The following PITPNM2 variants were observed in gnomAD, a reference collection of about 807,000 sequenced individuals.
PITPNM2 encodes the protein phosphatidylinositol transfer protein membrane associated 2.
In PITPNM2, 35 loss-of-function variants were observed where a neutral mutation model predicts 132.2. That is an observed-to-expected ratio of 0.26 (90% CI 0.20 to 0.35). The LOEUF (loss-of-function observed/expected upper bound fraction) is 0.35, where lower values mean the gene tolerates loss of function less well. Among genes scored for constraint, PITPNM2 ranks in the 10% least tolerant of loss-of-function variants. The probability of loss-of-function intolerance (pLI) is 1.00; values close to 1 mark genes in which losing one functional copy is unlikely to be tolerated. For synonymous variants in PITPNM2, 738 were observed against 799.2 expected (o/e 0.92, Z 1.29); for missense variants, 1,332 against 1,912.0 (o/e 0.70, Z 5.66).
At chr12:122,995,288 G>C (rs1484534108) in intron 14 of PITPNM2, 101 bp downstream of exon 14, 2 of 1,470,384 alleles carry the variant, frequency 1.4e-6, no homozygotes, top group Non-Finnish European at 1.8e-6. Context: ...ACCTCAGGCA[G>C]ACAGCCCGGG....
At chr12:123,139,556 T>C (rs1480017038) in intron 1 of PITPNM2, among the ~76,000 whole-genome samples, 1 of 151,880 alleles carries the variant, frequency 6.6e-6, no homozygotes, top group Admixed American at 6.6e-5. Flanking sequence ...TCCTGCTCTG[T>C]CCAAAGCCTC....
intron 1 of PITPNM2, among the ~76,000 whole-genome samples, chr12:123,116,880 C>G (rs1468630335): frequency 6.6e-6 from 1 of 152,200 alleles, no homozygotes; most frequent in East Asian, 1.9e-4. Flanking sequence ...AGCCAGCCAC[C>G]TTGTCAATGG....
At position 123,064,544 on chromosome 12, in the gene PITPNM2, G is replaced by A. The variant is rs536777449; in HGVS notation, c.-95-29859C>T. On this transcript the variant is annotated intron_variant, in intron 2 of 25. Transcript: ENST00000320201. This position sits in a 1 kb window ranked among gnomAD's most constrained non-coding sequence, Gnocchi z 4.0. ...AGTCTGGCTCCTCTATCTTTGGCGG[G>A]GAGCCTGGGGCTATTTCGGGAAGCT... Among the ~76,000 whole-genome samples, 98 of 152,316 alleles carry A rather than the reference G, an allele frequency of 6.4e-4. No individual in the cohort carries two copies. The highest frequency in any genetic ancestry group is 2.1e-3 in the African/African-American group (88 of 41,566).
chr12:123,121,703 A>C (rs1302932480), intron 1 of PITPNM2, among the ~76,000 whole-genome samples: 4 of 151,480 alleles, frequency 2.6e-5, no homozygotes, highest in Admixed American at 6.6e-5. Context: ...GCACCACTAC[A>C]TCTGACTTTA....
rs968208960 is a variant in PITPNM2, at chr12:123,097,231, C to T, written c.-96+13154G>A. ...CTAATTTTTGTACTTTTAGTAGAGA[C>T]GGGGTTTTGCCATGTTGGCCAGGCT... On this transcript the variant is annotated intron_variant, in intron 2 of 25. Coordinates refer to ENST00000320201, the MANE Select transcript of PITPNM2 (RefSeq NM_020845.3). The surrounding 1 kb of genome is among the most constrained non-coding windows in gnomAD (Gnocchi z 4.7). 4.6e-5 allele frequency among the ~76,000 whole-genome samples: 7 copies of T among 152,128 alleles called. No individual in the cohort carries two copies. The East Asian group carries it at 7.8e-4, about 17-fold the overall frequency.
At chr12:123,059,753 T>C (rs1271606700) in intron 2 of PITPNM2, among the ~76,000 whole-genome samples, 1 of 152,014 alleles carries the variant, frequency 6.6e-6, no homozygotes, top group African/African-American at 2.4e-5. Flanking sequence ...CTATGAAACA[T>C]CCGGAATAGA....
At chr12:123,098,570 G>C (rs758225819) in intron 2 of PITPNM2, among the ~76,000 whole-genome samples, 15 of 152,088 alleles carry the variant, frequency 9.9e-5, no homozygotes, top group Non-Finnish European at 1.8e-4. Flanking sequence ...AATTAGCCAG[G>C]CATGGTGGCC....
chr12:123,047,702 G>T (rs1462571799), intron 2 of PITPNM2, among the ~76,000 whole-genome samples: 3 of 152,116 alleles, frequency 2.0e-5, no homozygotes, highest in African/African-American at 4.8e-5. Context: ...AGGCCTCAGG[G>T]AGCCTCCAGG....
rs551146806 is a variant in PITPNM2 at position 123,150,446 on chromosome 12, C to A, written c.-200+307G>T. On this transcript the variant is annotated intron_variant, in intron 1 of 25. Coordinates refer to ENST00000320201, the MANE Select transcript of PITPNM2 (RefSeq NM_020845.3). This position sits in a 1 kb window ranked among gnomAD's most constrained non-coding sequence, Gnocchi z 6.0. ...CGACCGCTATGACACTTGTCCCTGGCGGGGGTCCCCCACGCGGTCGCGACC... is the reference window on the plus strand; with the variant it reads ...CGACCGCTATGACACTTGTCCCTGGAGGGGGTCCCCCACGCGGTCGCGACC... 7.2e-5 allele frequency among the ~76,000 whole-genome samples: 11 copies of A among 152,170 alleles called. No homozygotes were observed. The highest frequency in any genetic ancestry group is 2.6e-4 in the Admixed American group (4 of 15,302).
intron 1 of PITPNM2, among the ~76,000 whole-genome samples, chr12:123,121,760 G>A (rs1316666165): frequency 2.6e-5 from 4 of 151,754 alleles, no homozygotes; most frequent in Non-Finnish European, 5.9e-5. Context: ...GTCCAGGGTG[G>A]TCTCTAACTC....
At position 122,992,561 on chromosome 12, in the gene PITPNM2, G is replaced by T. The variant is rs529592824; in HGVS notation, c.2342C>A (p.Pro781Gln). ...PLLERRFHAL[P>Q]PFSVPRYQRY... ...TTGGTAGCGGGGGACGCTGAAAGGCGGCAGGGCGTGAAAGCGCCGTTCCAG... is the reference window on the plus strand; with the variant it reads ...TTGGTAGCGGGGGACGCTGAAAGGCTGCAGGGCGTGAAAGCGCCGTTCCAG... The change falls in exon 16 of 26, where the codon CCG becomes CAG. Residue 781 changes from proline (P) to glutamine (Q), a missense_variant. By Grantham distance (76) the Pro-to-Gln change is moderately conservative. Around this residue, in one of 6 missense-constraint regions of PITPNM2, gnomAD observed 710 missense variants for 911.5 expected, o/e 0.78. Transcript: ENST00000320201. This position sits in a 1 kb window ranked among gnomAD's most constrained non-coding sequence, Gnocchi z 6.5. The T allele has an allele frequency of 1.9e-6, 3 of 1,611,642 alleles. No individual in the cohort carries two copies. The highest frequency in any genetic ancestry group is 2.7e-5 in the African/African-American group (2 of 74,864).
chr12:123,121,686 C>T (rs1241167130), intron 1 of PITPNM2, among the ~76,000 whole-genome samples: 1 of 151,908 alleles, frequency 6.6e-6, no homozygotes, highest in Admixed American at 6.6e-5. Flanking sequence ...GGTGGGACTA[C>T]AGGCACGCAC....
chr12:123,083,957 C>G lies in PITPNM2; in HGVS notation c.-96+26428G>C, dbSNP rs1313899438. 1 of 152,318 alleles carries G rather than the reference C, an allele frequency of 6.6e-6. No individual in the cohort carries two copies. The highest frequency in any genetic ancestry group is 1.5e-5 in the Non-Finnish European group (1 of 68,094). The allele number at this position is 152,318 out of a possible 1,614,324, so 9.4% of individuals were successfully genotyped here. A position where few individuals can be genotyped will look rare whatever the true frequency, so the allele number is the denominator to read the frequency against. ...GGTGAATTGAAATCAGGTGGACCACCTCCCCAACCTCAGCAAGCCTGCTGG... is the reference window on the plus strand; with the variant it reads ...GGTGAATTGAAATCAGGTGGACCACGTCCCCAACCTCAGCAAGCCTGCTGG... On this transcript the variant is annotated intron_variant, in intron 2 of 25. Coordinates refer to ENST00000320201, the MANE Select transcript of PITPNM2 (RefSeq NM_020845.3). The surrounding 1 kb of genome is among the most constrained non-coding windows in gnomAD (Gnocchi z 4.5).
At chr12:123,103,377 T>C (rs143578527) in intron 2 of PITPNM2, among the ~76,000 whole-genome samples, 1 of 152,192 alleles carries the variant, frequency 6.6e-6, no homozygotes, top group Non-Finnish European at 1.5e-5. Context: ...ATGAGCCAAG[T>C]GAATAATGCA....
At chr12:123,035,048 T>C (rs768560941) in intron 2 of PITPNM2, among the ~76,000 whole-genome samples, 1 of 152,166 alleles carries the variant, frequency 6.6e-6, no homozygotes, top group Non-Finnish European at 1.5e-5. Context: ...ACACAGTGAG[T>C]AATGATAGCT....
intron 13 of PITPNM2, 78 bp downstream of exon 13, chr12:122,996,380 G>A (rs138265641): frequency 8.3e-4 from 1,300 of 1,569,672 alleles, no homozygotes; most frequent in Non-Finnish European, 9.5e-4. Flanking sequence ...CCAGGTGCAG[G>A]AACAGGCAGG....
chr12:123,105,233 G>A (rs971163179), intron 2 of PITPNM2: 2 of 152,108 alleles, frequency 1.3e-5, no homozygotes, highest in Non-Finnish European at 2.9e-5. Context: ...GTGCTTACAG[G>A]TTTTACTGAC....
At chr12:122,987,225 G>A (rs2037975097) in intron 23 of PITPNM2, 56 bp downstream of exon 23, 2 of 1,596,110 alleles carry the variant, frequency 1.3e-6, no homozygotes, top group Non-Finnish European at 1.7e-6. Context: ...GCTGGTGGGA[G>A]CCCCTGAGCC....
intron 2 of PITPNM2, among the ~76,000 whole-genome samples, chr12:123,104,787 C>T (rs1006159168): frequency 4.6e-5 from 7 of 152,258 alleles, no homozygotes; most frequent in Admixed American, 1.3e-4. Context: ...TCTCTTCACA[C>T]GGACACACAT....
Sources: allele counts gnomAD v4.1 joint callset (sites outside exome capture counted in the v4.1 genomes callset), GRCh38; gene constraint gnomAD v4.1.1; regional missense constraint gnomAD v4.1.1; non-coding constraint Gnocchi (gnomAD v3.1); transcripts MANE v1.5; gene names NCBI Gene and HGNC (gene_info 2026-07-23, HGNC 2026-07-21).